Variants in TJP1 observed in about 807,000 individuals in gnomAD.
TJP1 encodes the protein tight junction protein ZO-1.
A neutral mutation model predicts 194.2 loss-of-function variants in TJP1; 43 were observed. The observed-to-expected ratio is 0.22, with a 90% CI of 0.17 to 0.29. The LOEUF is 0.29. Among genes scored for constraint, TJP1 ranks in the 10% least tolerant of loss-of-function variants. The pLI, the probability that TJP1 is intolerant of heterozygous loss-of-function variation, is 1.00. For synonymous variants in TJP1, 801 were observed against 779.0 expected (o/e 1.03, Z -0.47); for missense variants, 1,971 against 2,185.7 (o/e 0.90, Z 1.96).
At chr15:29,788,257 A>G (rs1313809267) in intron 2 of TJP1, among the ~76,000 whole-genome samples, 3 of 152,290 alleles carry the variant, frequency 2.0e-5, no homozygotes, top group Middle Eastern at 3.4e-3. Context: ...ATTCTGTGGA[A>G]TATCTTCTCA....
intron 2 of TJP1, among the ~76,000 whole-genome samples, chr15:29,931,434 T>C (rs2054709989): frequency 1.3e-5 from 2 of 152,206 alleles, no homozygotes; most frequent in Non-Finnish European, 2.9e-5. Context: ...TAAAGTTTTA[T>C]TGAAAGTAAT....
chr15:29,713,398 G>A (rs910814331), intron 23 of TJP1, among the ~76,000 whole-genome samples: 6 of 152,192 alleles, frequency 3.9e-5, no homozygotes, highest in Non-Finnish European at 8.8e-5. Flanking sequence ...CTATGGAACT[G>A]TTAGACTGGG....
At chr15:29,944,474 C>T (rs907022241) in intron 2 of TJP1, among the ~76,000 whole-genome samples, 1 of 151,978 alleles carries the variant, frequency 6.6e-6, no homozygotes, top group Non-Finnish European at 1.5e-5. Context: ...GACGGGGGCA[C>T]CAAGGAATTT....
intron 8 of TJP1, among the ~76,000 whole-genome samples, chr15:29,757,634 G>A (rs2045728341): frequency 6.6e-6 from 1 of 152,078 alleles, no homozygotes; most frequent in Non-Finnish European, 1.5e-5. Flanking sequence ...TTGTCTGTAG[G>A]CAGATTACTA....
chr15:29,700,122 A>G (rs764243134), downstream of TJP1: 8 of 396,836 alleles, frequency 2.0e-5, 1 homozygote, highest in East Asian at 1.4e-4. Flanking sequence ...TGAAACTAGA[A>G]AACAGTGGGC....
At chr15:29,820,101 A>G (rs2050220081) in intron 1 of TJP1, among the ~76,000 whole-genome samples, 1 of 152,148 alleles carries the variant, frequency 6.6e-6, no homozygotes, top group Admixed American at 6.5e-5. Flanking sequence ...TTATTAGACA[A>G]GAGTTTCCCA....
At chr15:29,853,614 T>C (rs896907046) in intron 2 of TJP1, among the ~76,000 whole-genome samples, 1 of 152,000 alleles carries the variant, frequency 6.6e-6, no homozygotes, top group African/African-American at 2.4e-5. Context: ...GCTGTATTTT[T>C]CCCCCCACAG....
chr15:29,867,828 G>A (rs2052360389), intron 2 of TJP1, among the ~76,000 whole-genome samples: 1 of 152,014 alleles, frequency 6.6e-6, no homozygotes, highest in Non-Finnish European at 1.5e-5. Flanking sequence ...GGCCAAGGTA[G>A]GCAGATTGCT....
intron 15 of TJP1, chr15:29,731,097 T>A (rs878946879): frequency 3.6e-5 from 23 of 638,606 alleles, no homozygotes; most frequent in African/African-American, 7.4e-5. Flanking sequence ...TTTTTTTTTT[T>A]AAGCTATGTT....
At chr15:29,879,317 G>A (rs935646289) in intron 2 of TJP1, among the ~76,000 whole-genome samples, 8 of 152,054 alleles carry the variant, frequency 5.3e-5, no homozygotes, top group Admixed American at 1.3e-4. Flanking sequence ...ACAGACGGAC[G>A]GCAAGGCTCA....
intron 25 of TJP1, among the ~76,000 whole-genome samples, chr15:29,708,096 T>C (rs1032802613): frequency 5.3e-5 from 8 of 150,902 alleles, no homozygotes; most frequent in African/African-American, 1.7e-4. Context: ...CTTAGGAGGC[T>C]GAGGCAGGAG....
At chr15:29,744,361 ATATT>A (rs1419922775) in intron 8 of TJP1, among the ~76,000 whole-genome samples, 1 of 152,220 alleles carries the variant, frequency 6.6e-6, no homozygotes, top group Non-Finnish European at 1.5e-5. Flanking sequence ...TTCCACTTCT[ATATT>A]TATTCTAGAG....
At chr15:29,826,786 C>T (rs759870984), upstream of TJP1, among the ~76,000 whole-genome samples, 1 of 152,194 alleles carries the variant, frequency 6.6e-6, no homozygotes, top group Non-Finnish European at 1.5e-5. Flanking sequence ...TGCAGGTATA[C>T]AAGACCCTAG....
chr15:29,835,600 T>C (rs1260379842), intron 2 of TJP1, among the ~76,000 whole-genome samples: 1 of 151,724 alleles, frequency 6.6e-6, no homozygotes, highest in Non-Finnish European at 1.5e-5. Context: ...CAGTGAGCTA[T>C]GATCGCGCCA....
intron 2 of TJP1, among the ~76,000 whole-genome samples, chr15:29,914,299 G>A (rs1482648371): frequency 1.3e-5 from 2 of 152,096 alleles, no homozygotes; most frequent in South Asian, 2.1e-4. Context: ...TTAAATAAAC[G>A]TTTGCCTGAA....
At chr15:29,730,034 G>A (rs544464292) in intron 15 of TJP1, among the ~76,000 whole-genome samples, 1 of 151,970 alleles carries the variant, frequency 6.6e-6, no homozygotes, top group South Asian at 2.1e-4. Flanking sequence ...ATATAAATTC[G>A]AAACAAACGA....
At chr15:29,793,820 T>C (rs74710884) in intron 2 of TJP1, among the ~76,000 whole-genome samples, 6,712 of 152,278 alleles carry the variant, frequency 0.044, 168 homozygotes, top group South Asian at 0.076. Context: ...TCAGAGTATG[T>C]TGAACCATCC....
At chr15:29,814,689 C>T (rs562204794) in intron 1 of TJP1, among the ~76,000 whole-genome samples, 11 of 152,146 alleles carry the variant, frequency 7.2e-5, no homozygotes, top group South Asian at 2.1e-4. Flanking sequence ...ACCAGGTATA[C>T]GCTAATCTTA....
intron 2 of TJP1, among the ~76,000 whole-genome samples, chr15:29,938,679 C>G (rs2054964439): frequency 6.6e-6 from 1 of 152,192 alleles, no homozygotes; most frequent in African/African-American, 2.4e-5. Context: ...TAACACCATT[C>G]AAAATATCAA....
Sources: allele counts gnomAD v4.1 joint callset (sites outside exome capture counted in the v4.1 genomes callset), GRCh38; gene constraint gnomAD v4.1.1; transcripts MANE v1.5; gene names NCBI Gene and HGNC (gene_info 2026-07-23, HGNC 2026-07-21).